Variants in IRAK1 observed in about 807,000 individuals in gnomAD.
The protein encoded by IRAK1 is interleukin 1 receptor associated kinase 1, also known as interleukin-1 receptor-associated kinase 1.
IRAK1 carries 9 observed loss-of-function variants against 49.8 expected under a neutral mutation model. The ratio of observed to expected loss-of-function variants is 0.18; its 90% CI spans 0.11 to 0.32. The LOEUF is 0.32. Ranked by LOEUF, IRAK1 falls within the 10% of genes least tolerant of loss-of-function variation. IRAK1 has a pLI of 1.00. For synonymous variants in IRAK1, 282 were observed against 270.8 expected (o/e 1.04, Z -0.41); for missense variants, 418 against 600.5 (o/e 0.70, Z 3.18).
chrX:154,015,166 G>A (rs1441720263), intron 10 of IRAK1, among the ~76,000 whole-genome samples: 1 of 112,199 alleles, frequency 8.9e-6, no homozygotes, highest in African/African-American at 3.2e-5. Flanking sequence ...GACCTGGGGC[G>A]TTGGGGGGTC....
intron 13 of IRAK1, 91 bp from the exon 14 acceptor site, chrX:154,012,008 T>TATCTC: frequency 1.3e-6 from 1 of 751,654 alleles, no homozygotes; most frequent in South Asian, 2.3e-5. Context: ...CATGCTCCCT[T>TATCTC]ATCTCCTGGG....
In IRAK1 at chrX:154,016,982, T is replaced by C; in HGVS notation, c.995A>G (p.Asp332Gly). 8.3e-7 allele frequency: 1 copy of C among 1,207,671 alleles called. No individual in the cohort carries two copies. Among genetic ancestry groups the C allele is most frequent in the Non-Finnish European group, 1.1e-6 (1 of 891,490 alleles). The change falls in exon 8 of 14, where the codon GAC becomes GGC. Residue 332 changes from aspartate to glycine, a missense_variant. Asp to Gly is a moderately conservative substitution (Grantham distance 94). Around this residue, in one of 3 missense-constraint regions of IRAK1, gnomAD observed 377 missense variants for 499.5 expected, o/e 0.75. Transcript: ENST00000369980. The part of the protein sequence containing the change: ...TARAIQFLHQ[D>G]SPSLIHGDIK... The stretch of plus-strand genomic sequence containing the variant: ...GTCTCCATGGATGAGGCTGGGGCTG[T>C]CCTGATGTAGAAACTGAATTGCCCG...
intron 13 of IRAK1, 129 bp downstream of exon 13, chrX:154,012,400 A>G (rs1441745804): frequency 1.3e-6 from 1 of 741,493 alleles, no homozygotes; most frequent in Non-Finnish European, 1.9e-6. Flanking sequence ...CTGGGCTTCT[A>G]GAGGTCGCCA....
rs191308674 is a variant in IRAK1 at position 154,016,052 on chromosome X, C to T, written c.1282G>A (p.Gly428Ser). ...LAGQRAVKTH[G>S]ARTKYLKDLV... ...CTCACCAGATACTTGGTCCTGGCAC[C>T]GTGCGTCTTCACAGCCCTCTGACCA... The change falls in exon 10 of 14, where the codon GGT becomes AGT. Residue 428 changes from glycine (G) to serine (S), a missense_variant. Gly to Ser is a moderately conservative substitution (Grantham distance 56). Around this residue, in one of 3 missense-constraint regions of IRAK1, gnomAD observed 377 missense variants for 499.5 expected, o/e 0.75. Coordinates refer to ENST00000369980, the MANE Select transcript of IRAK1 (RefSeq NM_001569.4). 792 of 1,208,807 alleles carry T rather than the reference C, an allele frequency of 6.6e-4. 9 individuals are homozygous for T. In the Admixed American group the frequency reaches 0.017, roughly 26 times the overall value.
chrX:154,018,432 G>GAGA, intron 5 of IRAK1, 77 bp from the exon 6 acceptor site: 1 of 962,080 alleles, frequency 1.0e-6, no homozygotes, highest in Non-Finnish European at 1.5e-6. Context: ...AAGGCCTTCG[G>GAGA]GCCACCAGTG....
chrX:154,012,456 G>A, intron 13 of IRAK1, 73 bp downstream of exon 13: 1 of 1,120,380 alleles, frequency 8.9e-7, no homozygotes, highest in South Asian at 2.0e-5. Flanking sequence ...GCGCAGTCGG[G>A]ACAGACACTC....
intron 13 of IRAK1, among the ~76,000 whole-genome samples, 168 bp downstream of exon 13, chrX:154,012,361 G>A (rs1212156476): frequency 2.7e-5 from 3 of 112,809 alleles, no homozygotes; most frequent in African/African-American, 9.7e-5. Context: ...GTGGGCCAGG[G>A]TCTTGCTAAG....
chrX:154,019,272 T>C lies in IRAK1; in HGVS notation c.361A>G (p.Ile121Val), dbSNP rs201911518. 3.3e-6 allele frequency: 4 copies of C among 1,194,503 alleles called. No homozygotes were observed. The highest frequency in any genetic ancestry group is 4.5e-6 in the Non-Finnish European group (4 of 887,002). Residue 121 changes from isoleucine (I) to valine (V), a missense_variant, in exon 3 of 14, where the codon ATC becomes GTC. Physicochemically the swap from Ile to Val is conservative, Grantham distance 29. Transcript: ENST00000369980. ...GCCTCGGCCTCGGCGGGTGCAGGGA[T>C]GCTGCTGGGCCTCGGGGCAGTGGTG... Reference protein sequence around the residue: ...PGTTAPRPSSIPAPAEAEAWS... With the variant: ...PGTTAPRPSSVPAPAEAEAWS...
chrX:154,015,943 C>T, intron 10 of IRAK1, 89 bp downstream of exon 10: 1 of 789,367 alleles, frequency 1.3e-6, no homozygotes, highest in Non-Finnish European at 2.0e-6. Flanking sequence ...TCCATGGGCA[C>T]TGCGCCCCAG....
intron 1 of IRAK1, 30 bp downstream of exon 1, chrX:154,019,647 C>T: frequency 1.0e-6 from 1 of 959,249 alleles, no homozygotes; most frequent in Non-Finnish European, 1.3e-6. Flanking sequence ...CCGCGCGCCT[C>T]CCGCCCCCCG....
chrX:154,011,247 G>A lies in IRAK1; in HGVS notation c.*612C>T, dbSNP rs1234199153. 7 of 260,992 alleles carry A rather than the reference G, an allele frequency of 2.7e-5. No individual in the cohort carries two copies. Among genetic ancestry groups the A allele is most frequent in the South Asian group, 1.8e-4 (5 of 27,602 alleles). 21.5% of individuals were successfully genotyped at this position (260,992 alleles called of 1,213,427 possible). On this transcript the variant is annotated 3_prime_UTR_variant, in exon 14 of 14. Coordinates refer to ENST00000369980, the MANE Select transcript of IRAK1 (RefSeq NM_001569.4). ...CCACAGGCGTGCGCTACCACGCCAGGCTAATAGTTTAAAAAATTTTTTGGC... is the reference window on the plus strand; with the variant it reads ...CCACAGGCGTGCGCTACCACGCCAGACTAATAGTTTAAAAAATTTTTTGGC...
chrX:154,016,172 G>A (rs2065737466), intron 9 of IRAK1, 75 bp from the exon 10 acceptor site: 7 of 896,168 alleles, frequency 7.8e-6, no homozygotes, highest in Non-Finnish European at 1.1e-5. Flanking sequence ...CATGGATTGG[G>A]CCTGACAAGG....
chrX:154,014,091 G>A lies in IRAK1; in HGVS notation c.1490C>T (p.Ala497Val). The change falls in exon 11 of 14, where the codon GCC (alanine) becomes GTC (valine). Residue 497 changes from alanine (A) to valine (V), a missense_variant. Ala to Val is a moderately conservative substitution (Grantham distance 64, BLOSUM62 0). Coordinates refer to ENST00000369980, the MANE Select transcript of IRAK1 (RefSeq NM_001569.4). ...GGCCCGGCGGTGCAGGCAGCAGCAG[G>A]CCAGCTGGCCCAGGCCCAGGCCCAG... The part of the protein sequence containing the change: ...PELGLGLGQL[A>V]CCCLHRRAKR... 1 of 1,193,237 alleles carries A rather than the reference G, an allele frequency of 8.4e-7. No homozygotes were observed.
chrX:154,011,623 C>T lies in IRAK1; in HGVS notation c.*236G>A, dbSNP rs1475187967. ...GCAGCCTCCCAACATGCGCCAGCCT[C>T]CTCACTGGATGATGCCAGCCTTCCT... On this transcript the variant is annotated 3_prime_UTR_variant, in exon 14 of 14. Coordinates refer to ENST00000369980, the MANE Select transcript of IRAK1 (RefSeq NM_001569.4). The T allele has an allele frequency of 4.2e-6, 2 of 473,244 alleles. No homozygotes were observed. Among genetic ancestry groups the T allele is most frequent in the African/African-American group, 2.3e-5 (1 of 42,712 alleles). The allele number at this position is 473,244 out of a possible 1,213,427, so 39.0% of individuals were successfully genotyped here. A position where few individuals can be genotyped will look rare whatever the true frequency, so the allele number is the denominator to read the frequency against.
At position 154,012,696 on chromosome X, in the gene IRAK1, C is replaced by T. The variant is rs782154635; in HGVS notation, c.1931-18G>A. The stretch of plus-strand genomic sequence containing the variant: ...GGCCAGTCCTGGGGTGGAGATGGCA[C>T]TCCCTTAGCCTCATGCTGTGGCTCC... On this transcript the variant is annotated intron_variant, in intron 12 of 13. Coordinates refer to ENST00000369980, the MANE Select transcript of IRAK1 (RefSeq NM_001569.4). 1 of 1,199,765 alleles carries T rather than the reference C, an allele frequency of 8.3e-7. No homozygotes were observed. The highest frequency in any genetic ancestry group is 1.1e-6 in the Non-Finnish European group (1 of 887,815).
rs782658310 is a variant in IRAK1 at position 154,013,165 on chromosome X, T to C, written c.1808A>G (p.His603Arg). The C allele has an allele frequency of 1.6e-4, 199 of 1,208,780 alleles. 2 individuals carry two copies. In the South Asian group the frequency reaches 3.4e-3, roughly 21 times the overall value. The change falls in exon 12 of 14, where the codon CAC (histidine) becomes CGC (arginine). Residue 603 changes from histidine to arginine, a missense_variant. Around this residue, in one of 3 missense-constraint regions of IRAK1, gnomAD observed 377 missense variants for 499.5 expected, o/e 0.75. Transcript: ENST00000369980. The stretch of plus-strand genomic sequence containing the variant: ...GTCCAGAGGGCAGCTTGGAGTCAAG[T>C]GCCAGGAGCGCAGGGCAGCAGAGAG... Reference protein sequence around the residue: ...GGLSAALRSWHLTPSCPLDPA... With the variant: ...GGLSAALRSWRLTPSCPLDPA...
intron 10 of IRAK1, 93 bp from the exon 11 acceptor site, chrX:154,014,371 TAAAAAAAAAA>T (rs146868205): frequency 7.5e-6 from 4 of 530,530 alleles, no homozygotes; most frequent in East Asian, 5.2e-5. Context: ...TGGGTTTTGA[TAAAAAAAAAA>T]AAAAAAAAAA....
At chrX:154,019,620 G>C in intron 1 of IRAK1, 22 bp from the exon 2 acceptor site, 6 of 980,147 alleles carry the variant, frequency 6.1e-6, no homozygotes, top group Non-Finnish European at 7.7e-6. Context: ...GGGGCGTCAG[G>C]CGTCGGCGCC....
At position 154,019,610 on chromosome X, in the gene IRAK1, G is replaced by A; in HGVS notation, c.137-12C>T. 1.0e-6 allele frequency: 1 copy of A among 994,503 alleles called. No homozygotes were observed. The highest frequency in any genetic ancestry group is 1.3e-6 in the Non-Finnish European group (1 of 791,160). The allele number at this position is 994,503 out of a possible 1,213,427, so 82.0% of individuals were successfully genotyped here. On this transcript the variant is annotated splice_polypyrimidine_tract_variant and intron_variant, in intron 1 of 13. Transcript: ENST00000369980. ...CACGATCAGGGCGGCTGCGGGGCGG[G>A]GGGCGTCAGGCGTCGGCGCCAGGAG...
Sources: allele counts gnomAD v4.1 joint callset (sites outside exome capture counted in the v4.1 genomes callset), GRCh38; gene constraint gnomAD v4.1.1; regional missense constraint gnomAD v4.1.1; transcripts MANE v1.5; gene names NCBI Gene and HGNC (gene_info 2026-07-23, HGNC 2026-07-21).